CDH12: variants seen among roughly 807,000 people sequenced by gnomAD.
CDH12 encodes the protein cadherin-12.
Under a neutral mutation model 74.1 loss-of-function variants are expected in CDH12, and 41 were observed. The observed-to-expected ratio is 0.55, with a 90% CI of 0.43 to 0.72. CDH12 has a LOEUF of 0.72. Among genes scored for constraint, CDH12 ranks in the 30% least tolerant of loss-of-function variants. The pLI is 0.00. For missense variants in CDH12, 945 were observed against 977.2 expected, an observed-to-expected ratio of 0.97 and a Z score of 0.44; for synonymous variants, 399 against 355.0, an observed-to-expected ratio of 1.12 and a Z score of -1.39.
chr5:22,076,170 T>A (rs1390857328), intron 5 of CDH12, among the ~76,000 whole-genome samples: 1 of 152,118 alleles, frequency 6.6e-6, no homozygotes, highest in Non-Finnish European at 1.5e-5. Flanking sequence ...GCGGAAATAA[T>A]GCTGGTTAAA....
intron 3 of CDH12, among the ~76,000 whole-genome samples, chr5:22,249,161 T>C (rs1479320515): frequency 6.6e-6 from 1 of 152,184 alleles, no homozygotes; most frequent in Non-Finnish European, 1.5e-5. Flanking sequence ...ATGACAAAAG[T>C]ATCACTGGAC....
intron 1 of CDH12, among the ~76,000 whole-genome samples, chr5:22,592,449 A>T (rs963198533): frequency 1.3e-5 from 2 of 152,130 alleles, no homozygotes. Context: ...TTCTTCTAGA[A>T]TCATACAAAA....
At chr5:21,965,218 C>T (rs975247169) in intron 6 of CDH12, among the ~76,000 whole-genome samples, 1 of 151,898 alleles carries the variant, frequency 6.6e-6, no homozygotes, top group African/African-American at 2.4e-5. Context: ...AAAGTTTCTG[C>T]TAAGTTTTCG....
Position 21,880,498 on chromosome 5 carries a change from CCTT to C in CDH12, c.527-25711_527-25709del, listed in dbSNP as rs1752196744. On this transcript the variant is annotated intron_variant, in intron 6 of 14. Transcript: ENST00000382254. ...TCCTTCCTTCCTTCCTTCCTTCCTT[CCTT>C]CCTCCCTCCCTCCCTCTTTTCTTTC... 1.7e-4 allele frequency among the ~76,000 whole-genome samples: 2 copies of C among 11,860 alleles called. 1 individual carries two copies. Among genetic ancestry groups the C allele is most frequent in the African/African-American group, 2.0e-4 (2 of 9,788 alleles). The allele number at this position is 11,860 out of a possible 152,430, so 7.8% of individuals were successfully genotyped here. A position where few individuals can be genotyped will look rare whatever the true frequency, so the allele number is the denominator to read the frequency against.
chr5:22,850,006 G>A (rs983438116), intron 1 of CDH12, among the ~76,000 whole-genome samples: 6 of 151,980 alleles, frequency 3.9e-5, no homozygotes, highest in African/African-American at 1.4e-4. Flanking sequence ...TTTAACAGGT[G>A]CTTACTAAAT....
intron 4 of CDH12, among the ~76,000 whole-genome samples, chr5:22,153,792 A>G (rs1747779875): frequency 6.8e-6 from 1 of 147,780 alleles, no homozygotes; most frequent in African/African-American, 2.5e-5. Flanking sequence ...TATGAAATCA[A>G]CCTAAATGTC....
intron 3 of CDH12, among the ~76,000 whole-genome samples, chr5:22,356,440 T>C (rs1400010011): frequency 6.6e-6 from 1 of 152,258 alleles, no homozygotes; most frequent in African/African-American, 2.4e-5. Context: ...AAAGCTGCAT[T>C]CACACAGTCC....
intron 6 of CDH12, among the ~76,000 whole-genome samples, chr5:21,968,842 G>C (rs1756703578): frequency 6.6e-6 from 1 of 152,062 alleles, no homozygotes; most frequent in Non-Finnish European, 1.5e-5. Flanking sequence ...CGTGGATGAA[G>C]CTGGAAGCCA....
rs547068356 is a variant in CDH12, at chr5:22,369,055, G to C, written c.-333+36202C>G. Among the ~76,000 whole-genome samples, 4 of 152,152 alleles carry C rather than the reference G, an allele frequency of 2.6e-5. No homozygotes were observed. In the South Asian group the frequency reaches 6.2e-4, roughly 24 times the overall value. ...GAGGCAGGAGAATCGCTTGAACCCG[G>C]GAGGCGGAGGTTGCAATGAGCTGAG... is the stretch of plus-strand genomic sequence containing the variant. On this transcript the variant is annotated intron_variant, in intron 3 of 14. Transcript: ENST00000382254.
chr5:21,791,632 A>G, intron 10 of CDH12, among the ~76,000 whole-genome samples: 1 of 151,918 alleles, frequency 6.6e-6, no homozygotes, highest in South Asian at 2.1e-4. Flanking sequence ...TATAATCTGT[A>G]TATAATAAAA....
chr5:22,120,451 C>T (rs1745441775), intron 4 of CDH12, among the ~76,000 whole-genome samples: 1 of 152,062 alleles, frequency 6.6e-6, no homozygotes, highest in Admixed American at 6.6e-5. Flanking sequence ...ATTGGTTATT[C>T]AAGCTCCACA....
At chr5:22,653,245 C>G (rs562174525) in intron 1 of CDH12, among the ~76,000 whole-genome samples, 15 of 152,092 alleles carry the variant, frequency 9.9e-5, no homozygotes, top group Non-Finnish European at 1.9e-4. Flanking sequence ...TAAACAACTC[C>G]TAAATGTGGT....
intron 3 of CDH12, among the ~76,000 whole-genome samples, chr5:22,353,174 A>T (rs3112477): frequency 0.84 from 127,684 of 152,200 alleles, 53,626 homozygotes; most frequent in African/African-American, 0.85. Flanking sequence ...CTAAAGCAAT[A>T]TGATGCCCAT....
chr5:22,846,015 G>A (rs538823108), intron 1 of CDH12, among the ~76,000 whole-genome samples: 2 of 152,264 alleles, frequency 1.3e-5, no homozygotes, highest in Non-Finnish European at 2.9e-5. Context: ...GGTTTTTGAA[G>A]TTACTGGGTT....
At chr5:22,710,255 A>T (rs529543845) in intron 1 of CDH12, among the ~76,000 whole-genome samples, 1 of 152,300 alleles carries the variant, frequency 6.6e-6, no homozygotes, top group South Asian at 2.1e-4. Context: ...TGCAAACTTT[A>T]TATGTTTCAT....
chr5:22,402,063 G>T (rs955857340), intron 3 of CDH12, among the ~76,000 whole-genome samples: 2 of 152,184 alleles, frequency 1.3e-5, no homozygotes, highest in Non-Finnish European at 2.9e-5. Context: ...ATCACCCAAT[G>T]TGTGGCCATT....
At chr5:22,704,149 T>C (rs536252723) in intron 1 of CDH12, among the ~76,000 whole-genome samples, 1 of 152,286 alleles carries the variant, frequency 6.6e-6, no homozygotes, top group East Asian at 1.9e-4. Context: ...AATTAAATTG[T>C]AAAAGTTTTG....
intron 10 of CDH12, among the ~76,000 whole-genome samples, chr5:21,790,173 T>C (rs1169786952): frequency 6.6e-6 from 1 of 152,150 alleles, no homozygotes; most frequent in Non-Finnish European, 1.5e-5. Flanking sequence ...TTGTAGCATA[T>C]GTTATAATTT....
chr5:22,063,261 C>T (rs1741319005), intron 5 of CDH12, among the ~76,000 whole-genome samples: 1 of 152,018 alleles, frequency 6.6e-6, no homozygotes, highest in South Asian at 2.1e-4. Flanking sequence ...TTGCCACTGC[C>T]TTGACCTCAT....
Sources: allele counts gnomAD v4.1 joint callset (sites outside exome capture counted in the v4.1 genomes callset), GRCh38; gene constraint gnomAD v4.1.1; transcripts MANE v1.5; gene names NCBI Gene and HGNC (gene_info 2026-07-23, HGNC 2026-07-21).